TACC2: variants seen among roughly 807,000 people sequenced by gnomAD.
TACC2 encodes the protein transforming acidic coiled-coil-containing protein 2.
Under a neutral mutation model 227.3 loss-of-function variants are expected in TACC2, and 137 were observed. That is an observed-to-expected ratio of 0.60 (90% CI 0.52 to 0.69). The LOEUF (loss-of-function observed/expected upper bound fraction) is 0.69. TACC2 is among the 30% of genes least tolerant of loss of function. The probability of loss-of-function intolerance (pLI) is 0.00; values close to 1 mark genes in which losing one functional copy is unlikely to be tolerated. For synonymous variants in TACC2, 1,523 were observed against 1,487.5 expected, an observed-to-expected ratio of 1.02 and a Z score of -0.55; for missense variants, 3,470 against 3,694.4, an observed-to-expected ratio of 0.94 and a Z score of 1.57.
At chr10:122,162,048 C>T (rs1725641366) in intron 7 of TACC2, among the ~76,000 whole-genome samples, 1 of 152,208 alleles carries the variant, frequency 6.6e-6, no homozygotes, top group Non-Finnish European at 1.5e-5. Flanking sequence ...TTCCAGAGCA[C>T]ACCTCGTCAC....
chr10:122,254,082 A>C lies in TACC2; in HGVS notation c.*26A>C. On this transcript the variant is annotated 3_prime_UTR_variant, in exon 23 of 23. Coordinates refer to ENST00000369005, the MANE Select transcript of TACC2 (RefSeq NM_206862.4). ...CTCTGAACCGAATGTTTTGGACTTA[A>C]CTGTTGCGTGCAATATGACCGTCGG... 1 of 1,604,226 alleles carries C rather than the reference A, an allele frequency of 6.2e-7. No individual in the cohort carries two copies. The highest frequency in any genetic ancestry group is 1.7e-5 in the Admixed American group (1 of 60,012).
At chr10:122,132,065 AAAAAG>A (rs1416715184) in intron 5 of TACC2, among the ~76,000 whole-genome samples, 3 of 29,980 alleles carry the variant, frequency 1.0e-4, no homozygotes, top group Non-Finnish European at 1.2e-4. Context: ...AGAAAGAAAG[AAAAAG>A]AAAGAAAGAA....
At chr10:122,063,829 A>AAC (rs1448139110) in intron 3 of TACC2, among the ~76,000 whole-genome samples, 2 of 105,130 alleles carry the variant, frequency 1.9e-5, no homozygotes, top group Non-Finnish European at 3.8e-5. Flanking sequence ...TATATTATAT[A>AAC]ATACACACAC....
At chr10:122,107,898 C>CTTTT (rs143830637) in intron 5 of TACC2, among the ~76,000 whole-genome samples, 2 of 108,448 alleles carry the variant, frequency 1.8e-5, no homozygotes, top group African/African-American at 3.6e-5. Context: ...TTTCTTTTTT[C>CTTTT]TTTTTTTTTT....
intron 7 of TACC2, among the ~76,000 whole-genome samples, chr10:122,186,909 G>A (rs1036559298): frequency 2.0e-5 from 3 of 152,196 alleles, no homozygotes; most frequent in African/African-American, 7.2e-5. Context: ...GAAACCAAAA[G>A]GGTGGTCCGA....
At chr10:122,145,674 G>T (rs2091283002) in intron 7 of TACC2, among the ~76,000 whole-genome samples, 1 of 152,180 alleles carries the variant, frequency 6.6e-6, no homozygotes, top group South Asian at 2.1e-4. Flanking sequence ...CCAAGGGCTA[G>T]AGTAGATTTT....
intron 1 of TACC2, among the ~76,000 whole-genome samples, chr10:122,017,319 C>T (rs371266535): frequency 3.9e-5 from 6 of 152,062 alleles, no homozygotes; most frequent in Admixed American, 3.3e-4. Flanking sequence ...GCACATGCGT[C>T]GCCTGCGAAG....
chr10:122,247,067 T>C (rs2096138523), intron 19 of TACC2: 2 of 152,524 alleles, frequency 1.3e-5, no homozygotes, highest in Non-Finnish European at 2.9e-5. Flanking sequence ...GGGCAGAGCA[T>C]GTGGGCAAGG....
chr10:122,131,438 C>T lies in TACC2; in HGVS notation c.5574-1171C>T, dbSNP rs147648006. ...TGGGTGTCCAAGGACTGAGCCTCTT[C>T]TAGCTTCCTGAGCCACCCTGTGCTT... On this transcript the variant is annotated intron_variant, in intron 5 of 22. Coordinates refer to ENST00000369005, the MANE Select transcript of TACC2 (RefSeq NM_206862.4). Among the ~76,000 whole-genome samples the T allele has an allele frequency of 2.4e-3, 363 of 152,306 alleles. 4 individuals are homozygous for T. Among genetic ancestry groups the T allele is most frequent in the African/African-American group, 8.5e-3 (352 of 41,578 alleles).
intron 3 of TACC2, among the ~76,000 whole-genome samples, chr10:122,066,838 A>G (rs2077443359): frequency 6.6e-6 from 1 of 152,202 alleles, no homozygotes; most frequent in Admixed American, 6.5e-5. Flanking sequence ...TTTATTAGCT[A>G]CAACTATTTG....
intron 2 of TACC2, chr10:122,022,317 C>T (rs1171244444): frequency 7.3e-6 from 2 of 274,468 alleles, no homozygotes; most frequent in Non-Finnish European, 1.4e-5. Flanking sequence ...TCATAGCTCA[C>T]TGCAGCCTCA....
At chr10:122,061,856 A>C (rs2076856469) in intron 3 of TACC2, among the ~76,000 whole-genome samples, 1 of 151,906 alleles carries the variant, frequency 6.6e-6, no homozygotes, top group African/African-American at 2.4e-5. Flanking sequence ...GAACCAGGAG[A>C]GGTCTCCAGG....
chr10:122,055,555 T>C (rs2076142511), intron 3 of TACC2, among the ~76,000 whole-genome samples: 1 of 152,050 alleles, frequency 6.6e-6, no homozygotes, highest in Non-Finnish European at 1.5e-5. Flanking sequence ...CTGGGGCCTA[T>C]TGGAGGGAGG....
intron 7 of TACC2, among the ~76,000 whole-genome samples, chr10:122,178,773 C>T (rs541810964): frequency 3.9e-5 from 6 of 152,156 alleles, no homozygotes; most frequent in African/African-American, 7.2e-5. Context: ...CCCAGCTACT[C>T]GGAGGCTGAG....
intron 8 of TACC2, among the ~76,000 whole-genome samples, chr10:122,196,945 AAAAAAAC>A (rs1437315365): frequency 4.0e-5 from 6 of 149,900 alleles, no homozygotes; most frequent in East Asian, 4.0e-4. Flanking sequence ...AAAAAAAAAA[AAAAAAAC>A]AAAAAAACAA....
chr10:122,224,044 G>A (rs1267274071), intron 11 of TACC2, among the ~76,000 whole-genome samples: 5 of 152,160 alleles, frequency 3.3e-5, no homozygotes, highest in African/African-American at 9.7e-5. Context: ...CTCGAGGCAG[G>A]CAGTGGTGTT....
chr10:122,254,100 A>G lies in TACC2; in HGVS notation c.*44A>G. On this transcript the variant is annotated 3_prime_UTR_variant, in exon 23 of 23. Transcript: ENST00000369005. ...GGACTTAACTGTTGCGTGCAATATG[A>G]CCGTCGGCACACTGCTGTTCCTCCA... The G allele has an allele frequency of 1.3e-6, 2 of 1,506,880 alleles. No individual in the cohort carries two copies. Among genetic ancestry groups the G allele is most frequent in the Non-Finnish European group, 1.8e-6 (2 of 1,082,334 alleles). The allele number at this position is 1,506,880 out of a possible 1,614,324, so 93.3% of individuals were successfully genotyped here.
intron 9 of TACC2, 60 bp downstream of exon 9, chr10:122,211,768 C>T: frequency 6.9e-7 from 1 of 1,439,236 alleles, no homozygotes; most frequent in Non-Finnish European, 9.3e-7. Context: ...GGCTGTGACC[C>T]TTGGTCATGT....
At chr10:122,045,450 G>A (rs890490523) in intron 2 of TACC2, among the ~76,000 whole-genome samples, 32 of 152,226 alleles carry the variant, frequency 2.1e-4, no homozygotes, top group Admixed American at 7.8e-4. Context: ...TAACCTCTCT[G>A]TGCCCAGTAT....
Sources: allele counts gnomAD v4.1 joint callset (sites outside exome capture counted in the v4.1 genomes callset), GRCh38; gene constraint gnomAD v4.1.1; transcripts MANE v1.5; gene names NCBI Gene and HGNC (gene_info 2026-07-23, HGNC 2026-07-21).